PFKFB3: variants seen among roughly 807,000 people sequenced by gnomAD.
The protein encoded by PFKFB3 is 6-phosphofructo-2-kinase/fructose-2,6-biphosphatase 3, also known as 6-phosphofructo-2-kinase/fructose-2,6-bisphosphatase 3.
PFKFB3 carries 33 observed loss-of-function variants against 68.0 expected under a neutral mutation model. The ratio of observed to expected loss-of-function variants is 0.49; its 90% confidence interval spans 0.37 to 0.65. The LOEUF (loss-of-function observed/expected upper bound fraction) is 0.65. Ranked by LOEUF, PFKFB3 falls within the 30% of genes least tolerant of loss-of-function variation. PFKFB3 has a pLI of 0.00. For synonymous variants in PFKFB3, 315 were observed against 288.2 expected (o/e 1.09, Z -0.94); for missense variants, 586 against 712.2 (o/e 0.82, Z 2.02).
intron 1 of PFKFB3, among the ~76,000 whole-genome samples, chr10:6,181,535 A>G (rs1273987981): frequency 6.6e-6 from 1 of 152,164 alleles, no homozygotes; most frequent in Admixed American, 6.5e-5. Context: ...AAAGACAAAT[A>G]CTGGCTGGGT....
chr10:6,316,521 C>T, the PFKFB3 span, among the ~76,000 whole-genome samples: 5 of 152,048 alleles, frequency 3.3e-5, no homozygotes, highest in Admixed American at 2.0e-4. Context: ...CTTTGTCATC[C>T]AGGCTGGAGT....
At chr10:6,179,870 A>T (rs2131782379) in intron 1 of PFKFB3, among the ~76,000 whole-genome samples, 1 of 152,220 alleles carries the variant, frequency 6.6e-6, no homozygotes, top group East Asian at 1.9e-4. Context: ...GTGATAAGTG[A>T]TGAGAAGACC....
At chr10:6,207,038 C>T (rs1270166358) in intron 1 of PFKFB3, among the ~76,000 whole-genome samples, 12 of 151,884 alleles carry the variant, frequency 7.9e-5, no homozygotes, top group African/African-American at 1.2e-4. Flanking sequence ...GATGGGGTGG[C>T]GGCCGGGCAG....
At chr10:6,302,783 T>C in the PFKFB3 span, among the ~76,000 whole-genome samples, 5,719 of 133,084 alleles carry the variant, frequency 0.043, 147 homozygotes, top group Middle Eastern at 0.17. Context: ...CACACACATA[T>C]ACACATACAC....
At chr10:6,236,177 A>G (rs141770238), downstream of PFKFB3, among the ~76,000 whole-genome samples, 52 of 152,166 alleles carry the variant, frequency 3.4e-4, 2 homozygotes, top group East Asian at 8.5e-3. Flanking sequence ...GGTTCCTTTC[A>G]CCTGCCCTTC....
the PFKFB3 span, among the ~76,000 whole-genome samples, chr10:6,296,513 G>T: frequency 6.6e-6 from 1 of 152,160 alleles, no homozygotes; most frequent in Non-Finnish European, 1.5e-5. Flanking sequence ...GCAGAGCAGC[G>T]GTGTGGGCTG....
At chr10:6,147,465 C>T (rs564533548) in intron 1 of PFKFB3, among the ~76,000 whole-genome samples, 4 of 152,260 alleles carry the variant, frequency 2.6e-5, no homozygotes, top group East Asian at 3.9e-4. Context: ...GGATCAGCTC[C>T]GTCAGGGGCC....
rs532398037 is a variant in PFKFB3, at chr10:6,161,623, CACAT to C, written c.16+16612_16+16615del. Among the ~76,000 whole-genome samples, 314 of 86,544 alleles carry C rather than the reference CACAT, an allele frequency of 3.6e-3. 2 individuals carry two copies. The highest frequency in any genetic ancestry group is 9.1e-3 in the African/African-American group (301 of 33,054). The allele number at this position is 86,544 out of a possible 152,430, so 56.8% of individuals were successfully genotyped here. A position where few individuals can be genotyped will look rare whatever the true frequency, so the allele number is the denominator to read the frequency against. ...ACACACACATATATATACACACACA[CACAT>C]ATATATATATAGAGAGAGAGAGAGA... On this transcript the variant is annotated intron_variant, in intron 1 of 14. Transcript: ENST00000379789.
At chr10:6,287,280 G>A in the PFKFB3 span, among the ~76,000 whole-genome samples, 1 of 151,894 alleles carries the variant, frequency 6.6e-6, no homozygotes, top group African/African-American at 2.4e-5. Context: ...AGTAGAGACG[G>A]GGTTTCACCA....
chr10:6,302,379 T>G, the PFKFB3 span, among the ~76,000 whole-genome samples: 5,581 of 40,376 alleles, frequency 0.14, 148 homozygotes, highest in Non-Finnish European at 0.24. Flanking sequence ...TTTTTTTTTT[T>G]TTTTTTTTTT....
intron 14 of PFKFB3, among the ~76,000 whole-genome samples, chr10:6,242,592 A>ATTTTTTTT (rs377078975): frequency 1.4e-5 from 2 of 146,584 alleles, no homozygotes; most frequent in Admixed American, 1.4e-4. Flanking sequence ...TTCTGTAAAC[A>ATTTTTTTT]TTTTTTTTTT....
the PFKFB3 span, among the ~76,000 whole-genome samples, chr10:6,305,710 T>C: frequency 6.6e-6 from 1 of 152,344 alleles, no homozygotes; most frequent in East Asian, 1.9e-4. Context: ...CTGCTGACTT[T>C]CCTGGTTACT....
intron 1 of PFKFB3, among the ~76,000 whole-genome samples, chr10:6,150,417 C>G (rs555312225): frequency 6.6e-6 from 1 of 152,070 alleles, no homozygotes; most frequent in African/African-American, 2.4e-5. Flanking sequence ...TCAGACCAGG[C>G]GTTCGAGACC....
At chr10:6,158,100 A>G (rs1369549314) in intron 1 of PFKFB3, among the ~76,000 whole-genome samples, 1 of 151,794 alleles carries the variant, frequency 6.6e-6, no homozygotes, top group African/African-American at 2.4e-5. Context: ...CCTGGCTAAC[A>G]TGGTGAAACC....
At chr10:6,254,615 A>G (rs756181186) in exon 15 of PFKFB3, 2 of 334,324 alleles carry the variant, frequency 6.0e-6, no homozygotes, top group Non-Finnish European at 1.1e-5. Context: ...CACTTTCAGT[A>G]CAATGTTCAA....
intron 8 of PFKFB3, 114 bp from the exon 9 acceptor site, chr10:6,221,267 C>A: frequency 7.6e-7 from 1 of 1,313,306 alleles, no homozygotes; most frequent in East Asian, 2.5e-5. Flanking sequence ...GGCCTGGGGC[C>A]CCCACGGTGT....
chr10:6,213,504 G>C, intron 1 of PFKFB3, 119 bp from the exon 2 acceptor site: 1 of 1,208,672 alleles, frequency 8.3e-7, no homozygotes, highest in Non-Finnish European at 1.2e-6. Flanking sequence ...GCAACAGAGT[G>C]AGACCCTGTC....
At chr10:6,305,005 A>ATTTTTTTTTTTTTTT in the PFKFB3 span, among the ~76,000 whole-genome samples, 62 of 14,526 alleles carry the variant, frequency 4.3e-3, 13 homozygotes, top group East Asian at 0.015. Context: ...AATATTAGGA[A>ATTTTTTTTTTTTTTT]TTTTTTTTTT....
At chr10:6,276,325 A>G in the PFKFB3 span, among the ~76,000 whole-genome samples, 1 of 152,158 alleles carries the variant, frequency 6.6e-6, no homozygotes, top group East Asian at 1.9e-4. Context: ...ATTTTAGATC[A>G]TAACTTAGCA....
Sources: gnomAD v4.1 joint callset for allele counts (sites outside exome capture counted in the v4.1 genomes callset) on GRCh38, gnomAD v4.1.1 for gene constraint, MANE v1.5 for transcripts, NCBI Gene and HGNC (gene_info 2026-07-23, HGNC 2026-07-21) for gene names.